BFSP2: variants seen among roughly 807,000 people sequenced by gnomAD.
BFSP2 encodes the protein beaded filament structural protein 2.
In BFSP2, 38 loss-of-function variants were observed where a neutral mutation model predicts 44.9. That is an observed-to-expected ratio of 0.85 (90% CI 0.65 to 1.11). The LOEUF is 1.11. Among genes scored for constraint, BFSP2 ranks in the 50% least tolerant of loss-of-function variants. BFSP2 has a pLI of 0.00. For missense variants in BFSP2, 525 were observed against 533.0 expected, an observed-to-expected ratio of 0.99 and a Z score of 0.15; for synonymous variants, 197 against 209.9, an observed-to-expected ratio of 0.94 and a Z score of 0.53.
intron 1 of BFSP2, among the ~76,000 whole-genome samples, chr3:133,406,097 C>A (rs1250647863): frequency 6.6e-6 from 1 of 151,712 alleles, no homozygotes; most frequent in Non-Finnish European, 1.5e-5. Flanking sequence ...ATTACAGGTG[C>A]CCACCACCAT....
At chr3:133,448,351 C>T in intron 2 of BFSP2, 138 bp from the exon 3 acceptor site, 1 of 1,089,858 alleles carries the variant, frequency 9.2e-7, no homozygotes, top group Non-Finnish European at 1.4e-6. Context: ...ACTAACAGTG[C>T]CCTCAAATCT....
chr3:133,412,395 G>C (rs1347876607), intron 1 of BFSP2: 1 of 152,258 alleles, frequency 6.6e-6, no homozygotes, highest in Non-Finnish European at 1.5e-5. Flanking sequence ...GAATAAACTT[G>C]AAGACATACA....
At position 133,452,358 on chromosome 3, in the gene BFSP2, A is replaced by G. The variant is rs917356874; in HGVS notation, c.891+1894A>G. ...TTTCTCCAACCCCTACCCCGTTTCA[A>G]TAGCTTCCTTTCTTTCTAACCACCA... On this transcript the variant is annotated intron_variant, in intron 4 of 6. Transcript: ENST00000302334. 9.2e-5 allele frequency among the ~76,000 whole-genome samples: 14 copies of G among 152,148 alleles called. No individual in the cohort carries two copies. In the South Asian group the frequency reaches 1.2e-3, roughly 14 times the overall value.
chr3:133,420,941 C>G (rs1020759294), intron 1 of BFSP2, among the ~76,000 whole-genome samples: 3 of 152,206 alleles, frequency 2.0e-5, no homozygotes, highest in Non-Finnish European at 4.4e-5. Context: ...CCAGCTGACT[C>G]CTTCCCACAA....
rs552872930 is a variant in BFSP2, at chr3:133,432,045, C to T, written c.490-15272C>T. 3.4e-3 allele frequency among the ~76,000 whole-genome samples: 511 copies of T among 152,172 alleles called. 1 individual carries two copies. Among genetic ancestry groups the T allele is most frequent in the Non-Finnish European group, 5.6e-3 (378 of 68,002 alleles). On this transcript the variant is annotated intron_variant, in intron 1 of 6. Transcript: ENST00000302334. ...ACATCTCTACTCCTTCCCTGGCAAC[C>T]GATCACATGCCCATCACCATCCCAT...
intron 1 of BFSP2, among the ~76,000 whole-genome samples, chr3:133,408,484 A>T (rs1243390697): frequency 6.6e-6 from 1 of 152,248 alleles, no homozygotes; most frequent in East Asian, 1.9e-4. Context: ...ATTTATGTAT[A>T]CATAATTTGA....
At chr3:133,421,035 A>T (rs2073588188) in intron 1 of BFSP2, among the ~76,000 whole-genome samples, 1 of 152,218 alleles carries the variant, frequency 6.6e-6, no homozygotes, top group Non-Finnish European at 1.5e-5. Flanking sequence ...GTTTCATAGG[A>T]TTGCTGTGGG....
At chr3:133,443,006 T>C (rs2073859799) in intron 1 of BFSP2, among the ~76,000 whole-genome samples, 1 of 152,038 alleles carries the variant, frequency 6.6e-6, no homozygotes, top group African/African-American at 2.4e-5. Context: ...TACAGGTGCG[T>C]GCAACCACGC....
At chr3:133,473,849 G>A (rs968705947) in intron 6 of BFSP2, among the ~76,000 whole-genome samples, 32 of 152,146 alleles carry the variant, frequency 2.1e-4, no homozygotes, top group Non-Finnish European at 4.4e-4. Context: ...AAGTCAAAAG[G>A]CTTTTTCTTG....
intron 1 of BFSP2, among the ~76,000 whole-genome samples, chr3:133,414,100 C>T (rs1186248473): frequency 8.1e-6 from 1 of 123,044 alleles, no homozygotes; most frequent in Non-Finnish European, 1.7e-5. Context: ...CCTCTACTCC[C>T]CCCATCCTCT....
chr3:133,468,007 T>C (rs530494507), intron 5 of BFSP2, among the ~76,000 whole-genome samples: 8 of 152,298 alleles, frequency 5.3e-5, no homozygotes, highest in African/African-American at 1.9e-4. Context: ...GCAAAATGGG[T>C]ATGATAGTCA....
At chr3:133,473,172 C>G (rs1416401688) in intron 6 of BFSP2, among the ~76,000 whole-genome samples, 1 of 151,994 alleles carries the variant, frequency 6.6e-6, no homozygotes, top group Non-Finnish European at 1.5e-5. Context: ...AACAAGCTCC[C>G]AAGTGATGAC....
At chr3:133,432,764 G>C (rs948076488) in intron 1 of BFSP2, among the ~76,000 whole-genome samples, 2 of 152,042 alleles carry the variant, frequency 1.3e-5, no homozygotes, top group African/African-American at 2.4e-5. Context: ...GATCGTGTCC[G>C]ACTAATCTCT....
intron 1 of BFSP2, among the ~76,000 whole-genome samples, chr3:133,420,351 G>T (rs923225674): frequency 6.6e-6 from 1 of 152,188 alleles, no homozygotes; most frequent in Admixed American, 6.5e-5. Flanking sequence ...GAGGTAGAAG[G>T]AATGAAGCAG....
At chr3:133,434,021 C>T (rs566948792) in intron 1 of BFSP2, among the ~76,000 whole-genome samples, 3 of 152,230 alleles carry the variant, frequency 2.0e-5, no homozygotes, top group Non-Finnish European at 4.4e-5. Flanking sequence ...CTCAACTACT[C>T]ATACATGCCC....
chr3:133,472,223 G>A (rs928729833), intron 5 of BFSP2, 122 bp from the exon 6 acceptor site: 1 of 1,118,424 alleles, frequency 8.9e-7, no homozygotes, highest in African/African-American at 1.5e-5. Flanking sequence ...TAACTGGCAA[G>A]GTCCCTGCCA....
intron 1 of BFSP2, among the ~76,000 whole-genome samples, chr3:133,414,799 TTA>T (rs1452063357): frequency 7.6e-4 from 8 of 10,498 alleles, no homozygotes; most frequent in Non-Finnish European, 9.8e-4. Context: ...CCCCCCCCGC[TTA>T]CCCCTCTACT....
chr3:133,426,007 AGGAAG>A (rs111273007), intron 1 of BFSP2, among the ~76,000 whole-genome samples: 443 of 2,258 alleles, frequency 0.2, 37 homozygotes, highest in Non-Finnish European at 0.26. Context: ...GGGCAGGGAA[AGGAAG>A]GGAAGGGAAG....
At chr3:133,418,617 A>G (rs944385518) in intron 1 of BFSP2, among the ~76,000 whole-genome samples, 1 of 152,132 alleles carries the variant, frequency 6.6e-6, no homozygotes, top group Admixed American at 6.6e-5. Flanking sequence ...CACCCCCCGG[A>G]ATGGGCACAG....
Sources: gnomAD v4.1 joint callset for allele counts (sites outside exome capture counted in the v4.1 genomes callset) on GRCh38, gnomAD v4.1.1 for gene constraint, MANE v1.5 for transcripts, NCBI Gene and HGNC (gene_info 2026-07-23, HGNC 2026-07-21) for gene names.